Variants in SBF2 observed in about 807,000 individuals in gnomAD.
SBF2 encodes myotubularin-related protein 13.
A neutral mutation model predicts 225.2 loss-of-function variants in SBF2; 112 were observed. That is an observed-to-expected ratio of 0.50 (90% CI 0.43 to 0.58). The LOEUF (loss-of-function observed/expected upper bound fraction) is 0.58, where lower values mean the gene tolerates loss of function less well. SBF2 is among the 20% of genes least tolerant of loss of function. The pLI, the probability that SBF2 is intolerant of heterozygous loss-of-function variation, is 0.00. For missense variants in SBF2, 1,996 were observed against 2,206.2 expected, an observed-to-expected ratio of 0.90 and a Z score of 1.91; for synonymous variants, 763 against 773.3, an observed-to-expected ratio of 0.99 and a Z score of 0.22.
chr11:10,004,574 T>TTAAAA (rs1554981699), intron 6 of SBF2, among the ~76,000 whole-genome samples: 10 of 85,554 alleles, frequency 1.2e-4, no homozygotes, highest in East Asian at 9.8e-4. Flanking sequence ...CTACAAAAAT[T>TTAAAA]AAAAAAAAAA....
chr11:9,962,708 C>T (rs1313883055), intron 15 of SBF2, among the ~76,000 whole-genome samples: 2 of 152,174 alleles, frequency 1.3e-5, no homozygotes, highest in African/African-American at 2.4e-5. Context: ...CATAAAGATG[C>T]CTCCTTCAGT....
intron 3 of SBF2, among the ~76,000 whole-genome samples, chr11:10,039,010 T>C (rs1305890143): frequency 6.6e-6 from 1 of 151,900 alleles, no homozygotes; most frequent in East Asian, 1.9e-4. Context: ...TGAGTAATTT[T>C]GGGAACATAT....
intron 2 of SBF2, among the ~76,000 whole-genome samples, chr11:10,070,427 A>G (rs1483574702): frequency 6.6e-6 from 1 of 152,176 alleles, no homozygotes; most frequent in Non-Finnish European, 1.5e-5. Flanking sequence ...TCCTTTCCCC[A>G]CTTCTTGTTT....
intron 1 of SBF2, 125 bp from the exon 2 acceptor site, chr11:10,194,112 A>G (rs1957280325): frequency 1.3e-6 from 1 of 763,386 alleles, no homozygotes; most frequent in African/African-American, 1.7e-5. Context: ...AAACATTTTC[A>G]AGTTTTAAAA....
chr11:9,804,740 T>C (rs1853696463), intron 32 of SBF2, among the ~76,000 whole-genome samples: 1 of 152,262 alleles, frequency 6.6e-6, no homozygotes, highest in Non-Finnish European at 1.5e-5. Flanking sequence ...AACATAGTGA[T>C]CACAAGATTG....
At chr11:9,801,917 A>T (rs933396433) in intron 32 of SBF2, among the ~76,000 whole-genome samples, 5 of 152,332 alleles carry the variant, frequency 3.3e-5, no homozygotes, top group Admixed American at 6.5e-5. Context: ...TTCAAAAGGC[A>T]AATAGCTTTT....
At chr11:10,206,223 C>T (rs1031536078) in intron 1 of SBF2, among the ~76,000 whole-genome samples, 1 of 150,834 alleles carries the variant, frequency 6.6e-6, no homozygotes, top group Admixed American at 6.6e-5. Flanking sequence ...CCTCAGGCAG[C>T]ACCAGTGGGA....
At chr11:10,160,808 T>C (rs538897148) in intron 2 of SBF2, among the ~76,000 whole-genome samples, 1 of 152,298 alleles carries the variant, frequency 6.6e-6, no homozygotes, top group South Asian at 2.1e-4. Context: ...TATCTCTTCC[T>C]AGAACATTAT....
At chr11:9,785,598 A>ATGCATGTAATCCTAGCACTT (rs1852319912) in intron 36 of SBF2, among the ~76,000 whole-genome samples, 1 of 152,190 alleles carries the variant, frequency 6.6e-6, no homozygotes, top group Non-Finnish European at 1.5e-5. Context: ...GTGGTGGCTC[A>ATGCATGTAATCCTAGCACTT]TGCATGTAAT....
intron 2 of SBF2, among the ~76,000 whole-genome samples, chr11:10,099,302 G>GTTCTAGATTCAAATATATCTA (rs1952179852): frequency 6.6e-6 from 1 of 151,952 alleles, no homozygotes; most frequent in Non-Finnish European, 1.5e-5. Context: ...CAGAAGAAAG[G>GTTCTAGATTCAAATATATCTA]GATAATATAT....
At chr11:10,123,307 A>G (rs1275245713) in intron 2 of SBF2, among the ~76,000 whole-genome samples, 1 of 152,032 alleles carries the variant, frequency 6.6e-6, no homozygotes, top group African/African-American at 2.4e-5. Flanking sequence ...TTATTTGAGT[A>G]CAAAATATTC....
intron 17 of SBF2, among the ~76,000 whole-genome samples, chr11:9,861,098 T>A (rs1490820727): frequency 6.6e-6 from 1 of 152,218 alleles, no homozygotes; most frequent in African/African-American, 2.4e-5. Flanking sequence ...ATTTACTGGT[T>A]GAGCATTCTA....
intron 1 of SBF2, among the ~76,000 whole-genome samples, chr11:10,237,712 C>T (rs186841182): frequency 1.3e-5 from 2 of 152,226 alleles, no homozygotes; most frequent in South Asian, 4.1e-4. Flanking sequence ...ATAATTAACA[C>T]AGCCATAACC....
intron 2 of SBF2, among the ~76,000 whole-genome samples, chr11:10,083,017 T>C (rs1229959784): frequency 6.6e-6 from 1 of 152,112 alleles, no homozygotes; most frequent in Non-Finnish European, 1.5e-5. Flanking sequence ...ATTTGATAAA[T>C]GAATTCATTA....
intron 1 of SBF2, among the ~76,000 whole-genome samples, chr11:10,283,635 G>A (rs1206566800): frequency 6.7e-6 from 1 of 149,144 alleles, no homozygotes; most frequent in Admixed American, 6.6e-5. Context: ...ATAAAAAAAA[G>A]TAAAGGCATA....
At chr11:10,126,213 T>C (rs1953746980) in intron 2 of SBF2, among the ~76,000 whole-genome samples, 1 of 152,192 alleles carries the variant, frequency 6.6e-6, no homozygotes, top group African/African-American at 2.4e-5. Flanking sequence ...TCATTTTTGG[T>C]ACTATCTAAA....
At chr11:10,066,340 A>ATATC in intron 2 of SBF2, among the ~76,000 whole-genome samples, 1 of 150,472 alleles carries the variant, frequency 6.6e-6, no homozygotes, top group Non-Finnish European at 1.5e-5. Flanking sequence ...CTATATATCT[A>ATATC]TATCTATATA....
chr11:9,952,810 TC>T (rs796438275), intron 16 of SBF2, among the ~76,000 whole-genome samples: 4 of 152,316 alleles, frequency 2.6e-5, no homozygotes, highest in African/African-American at 9.6e-5. Flanking sequence ...AATCACAGGC[TC>T]TTTCCTGCAT....
At chr11:10,066,866 A>G (rs1443029574) in intron 2 of SBF2, among the ~76,000 whole-genome samples, 2 of 152,238 alleles carry the variant, frequency 1.3e-5, no homozygotes, top group Admixed American at 1.3e-4. Flanking sequence ...TCTAGAACAA[A>G]TAAGTTTAGC....
Sources: gnomAD v4.1 joint callset for allele counts (sites outside exome capture counted in the v4.1 genomes callset) on GRCh38, gnomAD v4.1.1 for gene constraint, MANE v1.5 for transcripts, NCBI Gene and HGNC (gene_info 2026-07-23, HGNC 2026-07-21) for gene names.